The following NEO1 variants were observed in gnomAD, a reference collection of about 807,000 sequenced individuals.
NEO1 encodes neogenin.
Under a neutral mutation model 159.7 loss-of-function variants are expected in NEO1, and 63 were observed. The ratio of observed to expected loss-of-function variants is 0.39; its 90% CI spans 0.32 to 0.49. The LOEUF (loss-of-function observed/expected upper bound fraction) is 0.49, where lower values mean the gene tolerates loss of function less well. Ranked by LOEUF, NEO1 falls within the 20% of genes least tolerant of loss-of-function variation. The pLI, the probability that NEO1 is intolerant of heterozygous loss-of-function variation, is 0.85. For synonymous variants in NEO1, 633 were observed against 662.0 expected, an observed-to-expected ratio of 0.96 and a Z score of 0.67; for missense variants, 1,615 against 1,831.0, an observed-to-expected ratio of 0.88 and a Z score of 2.15.
intron 1 of NEO1, among the ~76,000 whole-genome samples, chr15:73,079,665 T>C (rs1050431054): frequency 1.3e-5 from 2 of 152,220 alleles, no homozygotes; most frequent in South Asian, 4.1e-4. Flanking sequence ...AAGTACTCTT[T>C]TATATGAGTT....
rs2040571248 is a variant in NEO1, at chr15:73,260,453, A to G, written c.2386A>G (p.Ile796Val). The G allele has an allele frequency of 1.3e-6, 2 of 1,589,430 alleles. No individual in the cohort carries two copies. Among genetic ancestry groups the G allele is most frequent in the Non-Finnish European group, 1.7e-6 (2 of 1,161,916 alleles). Residue 796 changes from isoleucine (I) to valine (V), a missense_variant, in exon 15 of 29, where the codon ATT becomes GTT. Coordinates refer to ENST00000261908, the MANE Select transcript of NEO1 (RefSeq NM_002499.4). ...GGACTATAAACAGCGCTATTACACC[A>G]TTGAAAATCTGGGTATGTTTGCTAA... ...KVDYKQRYYT[I>V]ENLDPSSHYV...
chr15:73,249,867 A>C (rs2039984760), intron 11 of NEO1, 146 bp downstream of exon 11: 1 of 917,368 alleles, frequency 1.1e-6, no homozygotes, highest in Non-Finnish European at 1.6e-6. Context: ...TCAAGTCTGA[A>C]CATCTTTTTT....
chr15:73,071,907 T>A (rs1293068244), intron 1 of NEO1, among the ~76,000 whole-genome samples: 1 of 151,746 alleles, frequency 6.6e-6, no homozygotes, highest in Non-Finnish European at 1.5e-5. Context: ...ATAGAAATGA[T>A]CATACTATAT....
intron 21 of NEO1, among the ~76,000 whole-genome samples, chr15:73,275,397 C>T (rs1337324896): frequency 6.6e-6 from 1 of 152,120 alleles, no homozygotes; most frequent in African/African-American, 2.4e-5. Context: ...GGCCTGTAAT[C>T]CCAGCACTTT....
intron 1 of NEO1, among the ~76,000 whole-genome samples, chr15:73,057,202 T>C (rs1179152319): frequency 6.6e-6 from 1 of 152,214 alleles, no homozygotes; most frequent in Non-Finnish European, 1.5e-5. Flanking sequence ...TGTTTCTTTG[T>C]GAACTCTAAA....
chr15:73,153,201 A>C (rs905498225), intron 5 of NEO1, among the ~76,000 whole-genome samples: 3 of 152,142 alleles, frequency 2.0e-5, no homozygotes, highest in African/African-American at 7.2e-5. Context: ...ACACACATTG[A>C]GTGCCATCTG....
intron 21 of NEO1, 72 bp downstream of exon 21, chr15:73,274,796 C>CTTTTTTT: frequency 9.3e-7 from 1 of 1,074,110 alleles, no homozygotes; most frequent in African/African-American, 1.7e-5. Flanking sequence ...GTTTTTGTTT[C>CTTTTTTT]TTTTTTTTTT....
Position 73,112,175 on chromosome 15 carries a change from C to T in NEO1, c.131-4365C>T, listed in dbSNP as rs74698283. On this transcript the variant is annotated intron_variant, in intron 1 of 28. Coordinates refer to ENST00000261908, the MANE Select transcript of NEO1 (RefSeq NM_002499.4). ...TTATTCATTTTTCACAGAACTGATTCTACATCAACTGAAATGTAGCCCACT... is the reference window on the plus strand; with the variant it reads ...TTATTCATTTTTCACAGAACTGATTTTACATCAACTGAAATGTAGCCCACT... 0.018 allele frequency among the ~76,000 whole-genome samples: 2,680 copies of T among 152,064 alleles called. 154 individuals are homozygous for T. In the East Asian group the frequency reaches 0.19, roughly 11 times the overall value.
In NEO1 at chr15:73,288,420, A is replaced by C. The variant is rs749400435; in HGVS notation, c.3518A>C (p.Lys1173Thr). The stretch of plus-strand genomic sequence containing the variant: ...ATCCATCATGAGAGACTGGAGCTGA[A>C]ACCCATTGATAAGTCTCCAGACCCA... Reference protein sequence around the residue: ...LWIHHERLELKPIDKSPDPNP... With the variant: ...LWIHHERLELTPIDKSPDPNP... The change falls in exon 24 of 29, where the codon AAA becomes ACA. Residue 1173 changes from lysine to threonine, a missense_variant. Lys to Thr is a moderately conservative substitution (Grantham distance 78). Around this residue, in one of 3 missense-constraint regions of NEO1, gnomAD observed 471 missense variants for 498.9 expected, o/e 0.94. Coordinates refer to ENST00000261908, the MANE Select transcript of NEO1 (RefSeq NM_002499.4). 1.2e-6 allele frequency: 2 copies of C among 1,614,140 alleles called. No individual in the cohort carries two copies. Among genetic ancestry groups the C allele is most frequent in the Non-Finnish European group, 8.5e-7 (1 of 1,180,010 alleles).
intron 1 of NEO1, among the ~76,000 whole-genome samples, chr15:73,068,233 CT>C (rs1555421035): frequency 2.2e-5 from 3 of 136,562 alleles, no homozygotes; most frequent in African/African-American, 5.5e-5. Flanking sequence ...ACCCCCCCCC[CT>C]TTTTTTTTGA....
At chr15:73,236,205 T>C (rs1567560555) in intron 7 of NEO1, 142 bp from the exon 8 acceptor site, 1 of 1,128,324 alleles carries the variant, frequency 8.9e-7, no homozygotes, top group Non-Finnish European at 1.3e-6. Flanking sequence ...TTATTTCTTT[T>C]TTGTTTTTTG....
intron 7 of NEO1, among the ~76,000 whole-genome samples, chr15:73,188,917 A>G (rs1485042648): frequency 1.3e-5 from 2 of 151,824 alleles, no homozygotes; most frequent in Non-Finnish European, 2.9e-5. Context: ...ACATAGTGAG[A>G]CCCCATCCTC....
Position 73,301,501 on chromosome 15 carries a change from A to G in NEO1, c.4302+44A>G, listed in dbSNP as rs199815862. ...CAGTCCAGCCAGATTGCCTGGGAAC[A>G]TGCCCCAGGGCCTGAGACTGCTGGT... On this transcript the variant is annotated intron_variant, in intron 28 of 28. Transcript: ENST00000261908. 257 of 1,613,296 alleles carry G rather than the reference A, an allele frequency of 1.6e-4. 1 individual carries two copies. The African/African-American group carries it at 3.0e-3, about 19-fold the overall frequency.
At chr15:73,138,966 C>G (rs974550674) in intron 5 of NEO1, among the ~76,000 whole-genome samples, 2 of 151,952 alleles carry the variant, frequency 1.3e-5, no homozygotes, top group Admixed American at 6.6e-5. Context: ...GGTTGTCATA[C>G]TTGGAGAGAA....
intron 1 of NEO1, among the ~76,000 whole-genome samples, chr15:73,087,738 T>G (rs1437327066): frequency 2.0e-5 from 3 of 152,190 alleles, no homozygotes; most frequent in Non-Finnish European, 4.4e-5. Flanking sequence ...TATTAATATT[T>G]TGGAATTCTT....
In NEO1 at chr15:73,247,847, G is replaced by A. The variant is rs553589349; in HGVS notation, c.1607-1213G>A. On this transcript the variant is annotated intron_variant, in intron 9 of 28. Coordinates refer to ENST00000261908, the MANE Select transcript of NEO1 (RefSeq NM_002499.4). ...GTCAGACAAAAATAATACAGTAAAA[G>A]GGTAGGTGTGTGAGCCATTGTAGGA... Among the ~76,000 whole-genome samples the A allele has an allele frequency of 6.6e-5, 10 of 152,294 alleles. No homozygotes were observed. The East Asian group carries it at 1.3e-3, about 21-fold the overall frequency.
chr15:73,302,572 T>C (rs1282331793), intron 28 of NEO1, 41 bp from the exon 29 acceptor site: 2 of 1,582,188 alleles, frequency 1.3e-6, no homozygotes, highest in Non-Finnish European at 8.6e-7. Flanking sequence ...TCTGAGCTGC[T>C]CCCTGGATCC....
rs1460275681 is a variant in NEO1 at position 73,084,892 on chromosome 15, A to T, written c.131-31648A>T. ...TAGTTTTAGGTTTCATCTTTAGGTAATAAATATTTATTCAACAACTGCCTT... is the reference window on the plus strand; with the variant it reads ...TAGTTTTAGGTTTCATCTTTAGGTATTAAATATTTATTCAACAACTGCCTT... On this transcript the variant is annotated intron_variant, in intron 1 of 28. Transcript: ENST00000261908. Among the ~76,000 whole-genome samples the T allele has an allele frequency of 3.7e-4, 56 of 152,030 alleles. 3 individuals carry two copies. Among genetic ancestry groups the T allele is most frequent in the Admixed American group, 3.5e-3 (54 of 15,252 alleles).
At chr15:73,088,773 G>A (rs74892408) in intron 1 of NEO1, among the ~76,000 whole-genome samples, 2,978 of 152,060 alleles carry the variant, frequency 0.02, 47 homozygotes, top group Non-Finnish European at 0.028. Flanking sequence ...GACTGAAGAG[G>A]ATGGGGACAT....
Sources: allele counts gnomAD v4.1 joint callset (sites outside exome capture counted in the v4.1 genomes callset), GRCh38; gene constraint gnomAD v4.1.1; regional missense constraint gnomAD v4.1.1; transcripts MANE v1.5; gene names NCBI Gene and HGNC (gene_info 2026-07-23, HGNC 2026-07-21).